Variants in TP53BP1 observed in about 807,000 individuals in gnomAD.
The protein encoded by TP53BP1 is tumor protein p53 binding protein 1.
Under a neutral mutation model 200.8 loss-of-function variants are expected in TP53BP1, and 61 were observed. That is an observed-to-expected ratio of 0.30 (90% CI 0.25 to 0.38). TP53BP1 has a LOEUF of 0.38. TP53BP1 is among the 10% of genes least tolerant of loss of function. TP53BP1 has a pLI of 1.00. For synonymous variants in TP53BP1, 822 were observed against 844.3 expected, an observed-to-expected ratio of 0.97 and a Z score of 0.46; for missense variants, 2,144 against 2,371.9, an observed-to-expected ratio of 0.90 and a Z score of 2.00.
At position 43,493,122 on chromosome 15, in the gene TP53BP1, C is replaced by A; in HGVS notation, c.-79G>T. The A allele has an allele frequency of 6.3e-7, 1 of 1,595,474 alleles. No homozygotes were observed. Among genetic ancestry groups the A allele is most frequent in the Non-Finnish European group, 8.5e-7 (1 of 1,174,306 alleles). On this transcript the variant is annotated 5_prime_UTR_variant, in exon 1 of 28. Coordinates refer to ENST00000382044, the MANE Select transcript of TP53BP1 (RefSeq NM_001141980.3). ...TCCCTCCAGATCGATCCCTAGGTCG[C>A]CGCTGTCGCCACCGCCGCCACCGGC...
chr15:43,458,884 C>T (rs77960060), intron 11 of TP53BP1, among the ~76,000 whole-genome samples: 5,853 of 152,184 alleles, frequency 0.038, 292 homozygotes, highest in African/African-American at 0.12. Context: ...CAAAATGTTA[C>T]ACCCACTTTG....
chr15:43,444,684 T>C (rs2046002185), intron 14 of TP53BP1, among the ~76,000 whole-genome samples: 1 of 152,180 alleles, frequency 6.6e-6, no homozygotes, highest in Admixed American at 6.5e-5. Context: ...TAATGAGCTA[T>C]ACATGTGAAG....
At chr15:43,407,693 A>G (rs1248366445) in intron 27 of TP53BP1, 123 bp from the exon 28 acceptor site, 1 of 931,644 alleles carries the variant, frequency 1.1e-6, no homozygotes, top group Non-Finnish European at 1.6e-6. Flanking sequence ...ATTATGTCAA[A>G]CACACTGCTA....
rs752132842 is a variant in TP53BP1, at chr15:43,456,790, G to A, written c.1818C>T (p.Ala606=). 5.6e-5 allele frequency: 90 copies of A among 1,613,820 alleles called. No homozygotes were observed. The highest frequency in any genetic ancestry group is 3.3e-4 in the Middle Eastern group (2 of 6,084). Residue 606 remains alanine, a synonymous_variant, in exon 12 of 28, where the codon GCC becomes GCT. Transcript: ENST00000382044. ...TDTRDDISIL[A]TGCKGREETV... is the part of the protein sequence containing the mutation. Reference sequence around the variant, plus strand: ...TTTCTTCTCTGCCCTTGCAACCAGTGGCTAAAATACTAATGTCATCCCTGG... The same window carrying A: ...TTTCTTCTCTGCCCTTGCAACCAGTAGCTAAAATACTAATGTCATCCCTGG...
rs918559657 is a variant in TP53BP1, at chr15:43,407,560, T to C, written c.5757A>G (p.Leu1919=). The change falls in exon 28 of 28, where the codon TTA becomes TTG. Residue 1919 remains leucine (L), a synonymous_variant. Transcript: ENST00000382044. ...CCGTCACCACCACATCAAATACCCC[T>C]AAAGCAATATCTGCAAGGAGCAAGG... ...HSSAHNKDIA[L]GVFDVVVTDP... is the part of the protein sequence containing the mutation. 3 of 1,611,718 alleles carry C rather than the reference T, an allele frequency of 1.9e-6. No individual in the cohort carries two copies. The highest frequency in any genetic ancestry group is 2.5e-6 in the Non-Finnish European group (3 of 1,178,380).
chr15:43,482,309 C>T (rs2078983600), intron 4 of TP53BP1, among the ~76,000 whole-genome samples: 2 of 152,150 alleles, frequency 1.3e-5, no homozygotes, highest in Non-Finnish European at 2.9e-5. Context: ...CATAATTTCA[C>T]AATCTATTAA....
intron 16 of TP53BP1, among the ~76,000 whole-genome samples, chr15:43,434,840 T>C (rs2045753593): frequency 6.6e-6 from 1 of 152,220 alleles, no homozygotes; most frequent in Non-Finnish European, 1.5e-5. Context: ...ATACCTGAAT[T>C]GAATTTTACT....
At chr15:43,453,425 A>G (rs918267134) in intron 12 of TP53BP1, among the ~76,000 whole-genome samples, 2 of 152,144 alleles carry the variant, frequency 1.3e-5, no homozygotes, top group Admixed American at 6.5e-5. Flanking sequence ...AGCTGGGATC[A>G]GGAGACCTAG....
intron 18 of TP53BP1, among the ~76,000 whole-genome samples, chr15:43,422,973 A>G (rs509306): frequency 0.46 from 69,525 of 151,096 alleles, 20,719 homozygotes; most frequent in African/African-American, 0.85. Flanking sequence ...CAGCCTAGGT[A>G]ATAGCATGAG....
At chr15:43,442,749 C>T (rs1403651170) in intron 14 of TP53BP1, among the ~76,000 whole-genome samples, 2 of 150,704 alleles carry the variant, frequency 1.3e-5, no homozygotes, top group African/African-American at 4.9e-5. Flanking sequence ...TCACCCGCCT[C>T]AGGTTCCCAA....
chr15:43,509,754 C>A (rs1432401886), intron 1 of TP53BP1, among the ~76,000 whole-genome samples: 3 of 152,136 alleles, frequency 2.0e-5, no homozygotes, highest in Non-Finnish European at 4.4e-5. Flanking sequence ...CAGAACGTGG[C>A]TCACAGGCAG....
At chr15:43,457,745 G>A (rs2046336075) in intron 11 of TP53BP1, among the ~76,000 whole-genome samples, 1 of 149,086 alleles carries the variant, frequency 6.7e-6, no homozygotes, top group Non-Finnish European at 1.5e-5. Flanking sequence ...GTGGCCAGGT[G>A]TGGTAGCTCA....
intron 15 of TP53BP1, among the ~76,000 whole-genome samples, chr15:43,440,184 C>A (rs528494353): frequency 6.6e-6 from 1 of 152,174 alleles, no homozygotes; most frequent in Non-Finnish European, 1.5e-5. Context: ...AAGAAGTTTG[C>A]AGTTTCACAT....
chr15:43,503,185 C>T (rs938461502), intron 1 of TP53BP1, among the ~76,000 whole-genome samples: 1 of 152,240 alleles, frequency 6.6e-6, no homozygotes, highest in Non-Finnish European at 1.5e-5. Context: ...GTGTGTGTAG[C>T]TATGACTCCA....
In TP53BP1 at chr15:43,408,890, T is replaced by C. The variant is rs545777117; in HGVS notation, c.5600+7A>G. ...TATACAATTCTGGATGGGCTTCAAA[T>C]ACTTACCAGTCCAGAATTCTTTGCT... is the stretch of plus-strand genomic sequence containing the variant. On this transcript the variant is annotated splice_region_variant and intron_variant, in intron 26 of 27. Coordinates refer to ENST00000382044, the MANE Select transcript of TP53BP1 (RefSeq NM_001141980.3). The C allele has an allele frequency of 1.2e-6, 2 of 1,614,016 alleles. No homozygotes were observed. Among genetic ancestry groups the C allele is most frequent in the Non-Finnish European group, 1.7e-6 (2 of 1,179,944 alleles).
Position 43,432,611 on chromosome 15 carries a change from A to G in TP53BP1, c.3258T>C (p.His1086=). The G allele has an allele frequency of 6.2e-7, 1 of 1,613,128 alleles. No individual in the cohort carries two copies. The highest frequency in any genetic ancestry group is 8.5e-7 in the Non-Finnish European group (1 of 1,179,212). The change falls in exon 17 of 28, where the codon CAT becomes CAC. Residue 1086 remains histidine, a synonymous_variant. Coordinates refer to ENST00000382044, the MANE Select transcript of TP53BP1 (RefSeq NM_001141980.3). ...EEEKEKLEGD[H]TIRQSQQPMK... is the part of the protein sequence containing the mutation. ...TAGGCTGTTGACTCTGCCTGATTGT[A>G]TGGTCACCCTCCAATTTTTCTTTCT...
intron 14 of TP53BP1, among the ~76,000 whole-genome samples, chr15:43,443,563 G>T (rs938850151): frequency 5.9e-5 from 9 of 151,928 alleles, no homozygotes; most frequent in African/African-American, 2.2e-4. Context: ...ATGGGTGGTG[G>T]GCGTGCCTGT....
intron 23 of TP53BP1, chr15:43,415,262 C>G: frequency 3.2e-6 from 1 of 311,044 alleles, no homozygotes. Context: ...GGCTGGAGTG[C>G]AATGGTGCAA....
intron 16 of TP53BP1, 93 bp downstream of exon 16, chr15:43,438,231 A>G: frequency 4.5e-6 from 5 of 1,105,488 alleles, no homozygotes; most frequent in Non-Finnish European, 6.6e-6. Flanking sequence ...CACATGCCAC[A>G]TTCAAACCAC....
Sources: gnomAD v4.1 joint callset for allele counts (sites outside exome capture counted in the v4.1 genomes callset) on GRCh38, gnomAD v4.1.1 for gene constraint, MANE v1.5 for transcripts, NCBI Gene and HGNC (gene_info 2026-07-23, HGNC 2026-07-21) for gene names.